The following TRPC4AP variants were observed in gnomAD, a reference collection of about 807,000 sequenced individuals.
TRPC4AP encodes the protein transient receptor potential cation channel subfamily C member 4 associated protein.
In TRPC4AP, 45 loss-of-function variants were observed where a neutral mutation model predicts 99.0. The ratio of observed to expected loss-of-function variants is 0.45; its 90% CI spans 0.36 to 0.58. The LOEUF (loss-of-function observed/expected upper bound fraction) is 0.58. Ranked by LOEUF, TRPC4AP falls within the 20% of genes least tolerant of loss-of-function variation. The pLI is 0.00. For synonymous variants in TRPC4AP, 408 were observed against 385.8 expected (o/e 1.06, Z -0.67); for missense variants, 879 against 985.3 (o/e 0.89, Z 1.44).
chr20:35,018,811 T>G, intron 9 of TRPC4AP, among the ~76,000 whole-genome samples: 1 of 152,068 alleles, frequency 6.6e-6, no homozygotes. Flanking sequence ...CAGGCATTTA[T>G]CTCTGCAGTC....
intron 8 of TRPC4AP, among the ~76,000 whole-genome samples, chr20:35,033,363 A>T (rs2083245324): frequency 6.6e-6 from 1 of 152,054 alleles, no homozygotes; most frequent in South Asian, 2.1e-4. Flanking sequence ...TGCCTCAGAG[A>T]GTGCAACCTT....
At chr20:35,070,000 T>A (rs1388448237) in intron 2 of TRPC4AP, among the ~76,000 whole-genome samples, 28 of 151,822 alleles carry the variant, frequency 1.8e-4, no homozygotes, top group Admixed American at 1.8e-3. Context: ...CCAAACATCA[T>A]GCTGTGAGAA....
chr20:35,028,438 G>A (rs2083082783), intron 8 of TRPC4AP, among the ~76,000 whole-genome samples: 2 of 151,882 alleles, frequency 1.3e-5, no homozygotes, highest in Admixed American at 1.3e-4. Flanking sequence ...TTGACCCACT[G>A]GTTATTTAGA....
At chr20:35,026,368 C>T (rs1269867304) in intron 8 of TRPC4AP, among the ~76,000 whole-genome samples, 3 of 152,028 alleles carry the variant, frequency 2.0e-5, no homozygotes, top group Admixed American at 1.3e-4. Flanking sequence ...GTGGGTGTCA[C>T]GAGGCTTGCC....
In TRPC4AP at chr20:35,078,082, G is replaced by A. The variant is rs762446932; in HGVS notation, c.261C>T (p.Leu87=). 3 of 1,613,784 alleles carry A rather than the reference G, an allele frequency of 1.9e-6. No individual in the cohort carries two copies. Among genetic ancestry groups the A allele is most frequent in the Middle Eastern group, 1.6e-4 (1 of 6,072 alleles). ...LLLKLHTTSH[L]HSDFVECQNI... is the part of the protein sequence containing the mutation. ...TTTGACACTCAACAAAGTCACTGTG[G>A]AGGTGGCTGGTGGTGTGCAGCTTGA... is the stretch of plus-strand genomic sequence containing the variant. The change falls in exon 2 of 19, where the codon CTC becomes CTT. Residue 87 remains leucine (L), a synonymous_variant. Transcript: ENST00000252015.
chr20:35,008,007 C>T (rs1045778690), intron 13 of TRPC4AP, among the ~76,000 whole-genome samples: 5 of 152,170 alleles, frequency 3.3e-5, no homozygotes, highest in African/African-American at 1.2e-4. Flanking sequence ...GGGAAGCGGA[C>T]GAACACATGC....
At chr20:35,012,691 T>C (rs1476878284) in intron 11 of TRPC4AP, among the ~76,000 whole-genome samples, 1 of 152,220 alleles carries the variant, frequency 6.6e-6, no homozygotes, top group Admixed American at 6.5e-5. Flanking sequence ...AGCCACGCTG[T>C]CCACTCTTGC....
chr20:35,091,233 G>T (rs905553125), intron 1 of TRPC4AP, among the ~76,000 whole-genome samples: 1 of 151,828 alleles, frequency 6.6e-6, no homozygotes, highest in African/African-American at 2.4e-5. Context: ...CAAGCGATCT[G>T]CCTGCCTCGG....
At chr20:35,009,221 G>A (rs969170989) in intron 12 of TRPC4AP, among the ~76,000 whole-genome samples, 22 of 152,314 alleles carry the variant, frequency 1.4e-4, no homozygotes, top group Middle Eastern at 3.4e-3. Flanking sequence ...CTCTGGCCCC[G>A]TCATGGGGGA....
intron 3 of TRPC4AP, among the ~76,000 whole-genome samples, chr20:35,060,744 C>T (rs894390999): frequency 4.6e-5 from 7 of 151,788 alleles, no homozygotes; most frequent in South Asian, 2.1e-4. Flanking sequence ...AAAAGCCACA[C>T]GGTCATCTCA....
rs141696642 is a variant in TRPC4AP at position 35,081,947 on chromosome 20, T to C, written c.169-3773A>G. Among the ~76,000 whole-genome samples, 18 of 152,202 alleles carry C rather than the reference T, an allele frequency of 1.2e-4. No homozygotes were observed. The East Asian group carries it at 3.3e-3, about 28-fold the overall frequency. Reference sequence around the variant, plus strand: ...TTGCAGTGAGCCAAGAATGCACCATTGCACTCCAGCCTGGGTGACAGAGTG... The same window carrying C: ...TTGCAGTGAGCCAAGAATGCACCATCGCACTCCAGCCTGGGTGACAGAGTG... On this transcript the variant is annotated intron_variant, in intron 1 of 18. Transcript: ENST00000252015.
rs1555918240 is a variant in TRPC4AP at position 35,084,530 on chromosome 20, GTA to G, written c.169-6358_169-6357del. On this transcript the variant is annotated intron_variant, in intron 1 of 18. Coordinates refer to ENST00000252015, the MANE Select transcript of TRPC4AP (RefSeq NM_015638.3). ...TATATACGTATATATGTGTATATAT[GTA>G]TATATGTATATGTATATATGTTTAT... 5.6e-4 allele frequency among the ~76,000 whole-genome samples: 81 copies of G among 145,202 alleles called. 1 individual carries two copies. The highest frequency in any genetic ancestry group is 1.7e-3 in the African/African-American group (68 of 39,376).
chr20:35,030,555 G>C (rs990733066), intron 8 of TRPC4AP: 7 of 152,092 alleles, frequency 4.6e-5, no homozygotes, highest in Non-Finnish European at 1.0e-4. Context: ...TTTTATGTTA[G>C]AGAAACTGAG....
chr20:35,004,614 G>A (rs772836040), intron 16 of TRPC4AP, 44 bp from the exon 17 acceptor site: 22 of 1,573,292 alleles, frequency 1.4e-5, no homozygotes, highest in Admixed American at 3.5e-5. Context: ...CTTAGGCCCA[G>A]TGGCTGGGTC....
chr20:35,035,369 A>AATT (rs1282173605), intron 7 of TRPC4AP, 61 bp from the exon 8 acceptor site: 2 of 1,518,862 alleles, frequency 1.3e-6, no homozygotes, highest in African/African-American at 2.8e-5. Context: ...ACTACCCCTA[A>AATT]AGCCCTAACA....
intron 14 of TRPC4AP, among the ~76,000 whole-genome samples, chr20:35,007,018 TTAAA>T (rs2082531762): frequency 6.6e-6 from 1 of 152,232 alleles, no homozygotes; most frequent in African/African-American, 2.4e-5. Context: ...ACGAAATTGT[TTAAA>T]TAGAGTTTAC....
At chr20:35,017,774 T>C (rs1167788575) in intron 9 of TRPC4AP, among the ~76,000 whole-genome samples, 2 of 152,194 alleles carry the variant, frequency 1.3e-5, no homozygotes, top group African/African-American at 4.8e-5. Flanking sequence ...CTTCAACATA[T>C]TAGGTTGTGT....
chr20:35,008,763 G>T lies in TRPC4AP; in HGVS notation c.1512-16C>A. The T allele has an allele frequency of 6.2e-7, 1 of 1,611,700 alleles. No homozygotes were observed. Among genetic ancestry groups the T allele is most frequent in the Non-Finnish European group, 8.5e-7 (1 of 1,178,244 alleles). On this transcript the variant is annotated splice_polypyrimidine_tract_variant and intron_variant, in intron 12 of 18. Transcript: ENST00000252015. ...CACCAAACTCCTGAAATAGAAGAGAGATATTGGTGACAGATCTGAGAGGCT... is the reference window on the plus strand; with the variant it reads ...CACCAAACTCCTGAAATAGAAGAGATATATTGGTGACAGATCTGAGAGGCT...
intron 1 of TRPC4AP, among the ~76,000 whole-genome samples, chr20:35,080,685 G>A (rs1312450506): frequency 6.6e-6 from 1 of 152,100 alleles, no homozygotes; most frequent in Non-Finnish European, 1.5e-5. Context: ...GGAAACTGGG[G>A]AGTAACTGCT....
Sources: gnomAD v4.1 joint callset for allele counts (sites outside exome capture counted in the v4.1 genomes callset) on GRCh38, gnomAD v4.1.1 for gene constraint, MANE v1.5 for transcripts, NCBI Gene and HGNC (gene_info 2026-07-23, HGNC 2026-07-21) for gene names.